The following PCLO variants were observed in gnomAD, a reference collection of about 807,000 sequenced individuals.
PCLO encodes the protein piccolo presynaptic cytomatrix protein, also known as protein piccolo.
A neutral mutation model predicts 427.5 loss-of-function variants in PCLO; 82 were observed. The ratio of observed to expected loss-of-function variants is 0.19; its 90% CI spans 0.16 to 0.23. PCLO has a LOEUF of 0.23. Ranked by LOEUF, PCLO falls within the 10% of genes least tolerant of loss-of-function variation. The pLI is 1.00. For synonymous variants in PCLO, 2,357 were observed against 2,155.4 expected, an observed-to-expected ratio of 1.09 and a Z score of -2.59; for missense variants, 6,239 against 6,115.9, an observed-to-expected ratio of 1.02 and a Z score of -0.67.
At chr7:82,855,849 G>A (rs1446117991) in intron 10 of PCLO, among the ~76,000 whole-genome samples, 3 of 151,704 alleles carry the variant, frequency 2.0e-5, no homozygotes, top group Admixed American at 1.3e-4. Flanking sequence ...GGAGGAAATG[G>A]TGGTTGGAGG....
intron 6 of PCLO, among the ~76,000 whole-genome samples, chr7:82,947,307 T>G (rs536418350): frequency 6.6e-6 from 1 of 152,300 alleles, no homozygotes; most frequent in South Asian, 2.1e-4. Flanking sequence ...TACTGAGTGG[T>G]GTAAGTTTTT....
chr7:83,157,253 C>T (rs1792324867), intron 1 of PCLO, among the ~76,000 whole-genome samples: 1 of 152,100 alleles, frequency 6.6e-6, no homozygotes, highest in South Asian at 2.1e-4. Context: ...TGAGGAACAA[C>T]CCCATCTTTA....
chr7:82,951,632 G>C (rs1484942643), intron 5 of PCLO, 142 bp from the exon 6 acceptor site: 1 of 866,822 alleles, frequency 1.2e-6, no homozygotes, highest in Non-Finnish European at 1.7e-6. Context: ...CGGAATGAAA[G>C]CAATGTTGAA....
At chr7:82,912,772 T>C (rs1794353674) in intron 7 of PCLO, among the ~76,000 whole-genome samples, 1 of 152,072 alleles carries the variant, frequency 6.6e-6, no homozygotes, top group African/African-American at 2.4e-5. Context: ...TGGCTCTACA[T>C]ATATGTAAGT....
chr7:82,926,611 G>A (rs1794718024), intron 6 of PCLO, among the ~76,000 whole-genome samples: 1 of 152,070 alleles, frequency 6.6e-6, no homozygotes, highest in Non-Finnish European at 1.5e-5. Context: ...TTTCCTTAAT[G>A]CGCCTCTTGT....
chr7:82,792,626 C>T (rs767781252), intron 22 of PCLO, among the ~76,000 whole-genome samples: 53 of 152,104 alleles, frequency 3.5e-4, no homozygotes, highest in Non-Finnish European at 3.4e-4. Flanking sequence ...CTCACCCCAC[C>T]ACCATTTTAT....
At chr7:83,130,376 C>A (rs190843211) in intron 3 of PCLO, among the ~76,000 whole-genome samples, 1 of 152,094 alleles carries the variant, frequency 6.6e-6, no homozygotes, top group South Asian at 2.1e-4. Flanking sequence ...AGGATTTTGC[C>A]GTGTTGGCCA....
At chr7:82,934,154 T>A (rs553258910) in intron 6 of PCLO, among the ~76,000 whole-genome samples, 12 of 152,034 alleles carry the variant, frequency 7.9e-5, no homozygotes, top group Middle Eastern at 3.4e-3. Flanking sequence ...TATGCAGAGA[T>A]GACCAGTTTA....
At chr7:83,115,614 CAT>C (rs1461264833) in intron 3 of PCLO, among the ~76,000 whole-genome samples, 2 of 151,984 alleles carry the variant, frequency 1.3e-5, no homozygotes, top group South Asian at 4.1e-4. Flanking sequence ...ACTCCATAAA[CAT>C]GTTTTCTCAT....
chr7:82,821,427 C>T, intron 20 of PCLO: 1 of 985,628 alleles, frequency 1.0e-6, no homozygotes, highest in Non-Finnish European at 1.2e-6. Flanking sequence ...GCCAAAATGA[C>T]ACCACATGCA....
chr7:82,996,247 A>G (rs956901319), intron 3 of PCLO, among the ~76,000 whole-genome samples: 1 of 151,904 alleles, frequency 6.6e-6, no homozygotes. Context: ...TATTGTTTCA[A>G]TTTTATTTTC....
chr7:82,972,440 T>G (rs1008007427), intron 3 of PCLO, among the ~76,000 whole-genome samples: 5 of 152,022 alleles, frequency 3.3e-5, no homozygotes, highest in Non-Finnish European at 7.4e-5. Flanking sequence ...TAAGGATCTT[T>G]TCCAAAGCAT....
intron 6 of PCLO, among the ~76,000 whole-genome samples, chr7:82,937,950 C>G (rs1410324924): frequency 6.6e-6 from 1 of 151,842 alleles, no homozygotes; most frequent in Non-Finnish European, 1.5e-5. Context: ...TGAGAACTTT[C>G]CTAATGGGTA....
intron 2 of PCLO, among the ~76,000 whole-genome samples, chr7:83,137,046 C>T (rs2116625182): frequency 6.6e-6 from 1 of 152,254 alleles, no homozygotes; most frequent in Middle Eastern, 3.4e-3. Context: ...CACTGAAATT[C>T]TTTGTACAGA....
intron 9 of PCLO, among the ~76,000 whole-genome samples, chr7:82,899,272 T>A (rs10487644): frequency 0.033 from 5,070 of 151,532 alleles, 297 homozygotes; most frequent in African/African-American, 0.11. Flanking sequence ...AAGTAGGATT[T>A]TTATTGAGCA....
Position 82,956,381 on chromosome 7 carries a change from A to G in PCLO, c.4572T>C (p.Val1524=). 1 of 1,613,510 alleles carries G rather than the reference A, an allele frequency of 6.2e-7. No homozygotes were observed. The highest frequency in any genetic ancestry group is 8.5e-7 in the Non-Finnish European group (1 of 1,179,864). ...CACTAGTTCTTCGTTTTCTTTGTGGAACAGGTGAGTTTTCACTTTCACTAC... is the reference window on the plus strand; with the variant it reads ...CACTAGTTCTTCGTTTTCTTTGTGGGACAGGTGAGTTTTCACTTTCACTAC... ...EESSESENSP[V]PQRKRRTSVG... is the part of the protein sequence containing the mutation. The change falls in exon 5 of 25, where the codon GTT becomes GTC. Residue 1524 remains valine (V), a synonymous_variant. Coordinates refer to ENST00000333891, the MANE Select transcript of PCLO (RefSeq NM_033026.6).
At chr7:82,994,176 CAT>C (rs1422871488) in intron 3 of PCLO, among the ~76,000 whole-genome samples, 1 of 151,890 alleles carries the variant, frequency 6.6e-6, no homozygotes, top group African/African-American at 2.4e-5. Flanking sequence ...ATACAGCAAA[CAT>C]ATTTGAAAAT....
intron 3 of PCLO, among the ~76,000 whole-genome samples, chr7:83,078,816 A>G (rs560239836): frequency 6.6e-6 from 1 of 152,232 alleles, no homozygotes; most frequent in Admixed American, 6.5e-5. Flanking sequence ...GATAACAGGC[A>G]TGATCCAACC....
chr7:82,902,233 A>C (rs570914852), intron 9 of PCLO, among the ~76,000 whole-genome samples: 2 of 151,602 alleles, frequency 1.3e-5, no homozygotes, highest in South Asian at 4.2e-4. Flanking sequence ...ACACCATGGA[A>C]TACTATGCAG....
Sources: allele counts gnomAD v4.1 joint callset (sites outside exome capture counted in the v4.1 genomes callset), GRCh38; gene constraint gnomAD v4.1.1; transcripts MANE v1.5; gene names NCBI Gene and HGNC (gene_info 2026-07-23, HGNC 2026-07-21).